The following TSHZ2 variants were observed in gnomAD, a reference collection of about 807,000 sequenced individuals.
The protein encoded by TSHZ2 is teashirt zinc finger homeobox 2, also known as teashirt homolog 2.
Under a neutral mutation model 74.4 loss-of-function variants are expected in TSHZ2, and 21 were observed. The ratio of observed to expected loss-of-function variants is 0.28; its 90% CI spans 0.20 to 0.41. The LOEUF is 0.41. Ranked by LOEUF, TSHZ2 falls within the 10% of genes least tolerant of loss-of-function variation. The pLI is 1.00. For missense variants in TSHZ2, 1,244 were observed against 1,293.5 expected, an observed-to-expected ratio of 0.96 and a Z score of 0.59; for synonymous variants, 540 against 515.3, an observed-to-expected ratio of 1.05 and a Z score of -0.65.
At position 53,024,381 on chromosome 20, in the gene TSHZ2, C is replaced by T. The variant is rs546440486; in HGVS notation, c.40+51048C>T. Among the ~76,000 whole-genome samples, 10 of 151,142 alleles carry T rather than the reference C, an allele frequency of 6.6e-5. No homozygotes were observed. The East Asian group carries it at 1.6e-3, about 23-fold the overall frequency. On this transcript the variant is annotated intron_variant, in intron 1 of 2. Coordinates refer to ENST00000371497, the MANE Select transcript of TSHZ2 (RefSeq NM_173485.6). ...ATTTTGTGCCTTGGAACCAGGCATA[C>T]GTGATAACAGGATACATAAAAGGTG...
At chr20:53,376,158 A>G (rs1310116596) in intron 2 of TSHZ2, among the ~76,000 whole-genome samples, 1 of 152,222 alleles carries the variant, frequency 6.6e-6, no homozygotes, top group Non-Finnish European at 1.5e-5. Flanking sequence ...AATTTGCACT[A>G]AAGCTCTAAA....
At chr20:53,004,577 G>C (rs1025358050) in intron 1 of TSHZ2, among the ~76,000 whole-genome samples, 2 of 152,162 alleles carry the variant, frequency 1.3e-5, no homozygotes, top group Non-Finnish European at 2.9e-5. Flanking sequence ...GCCGGGAAAA[G>C]CATAAAACAA....
At chr20:53,044,790 G>T (rs965494991) in intron 1 of TSHZ2, among the ~76,000 whole-genome samples, 9 of 152,090 alleles carry the variant, frequency 5.9e-5, no homozygotes, top group Non-Finnish European at 1.2e-4. Context: ...GCTCGCTGCA[G>T]CCCTGAACTC....
At chr20:53,277,249 G>C (rs547442346) in intron 2 of TSHZ2, among the ~76,000 whole-genome samples, 2 of 151,028 alleles carry the variant, frequency 1.3e-5, no homozygotes, top group East Asian at 3.9e-4. Flanking sequence ...AAGTATTTTG[G>C]AAGCAATGGT....
At chr20:53,040,033 G>A (rs1250731697) in intron 1 of TSHZ2, among the ~76,000 whole-genome samples, 5 of 152,076 alleles carry the variant, frequency 3.3e-5, no homozygotes, top group Non-Finnish European at 7.4e-5. Context: ...TTGAACCCAG[G>A]AGGCGGAGGC....
intron 1 of TSHZ2, among the ~76,000 whole-genome samples, chr20:53,041,471 C>A (rs563915197): frequency 6.6e-6 from 1 of 152,326 alleles, no homozygotes; most frequent in African/African-American, 2.4e-5. Context: ...TCCGCCAGTT[C>A]TGGGTCACCC....
chr20:53,421,592 G>T, intron 2 of TSHZ2: 1 of 203,162 alleles, frequency 4.9e-6, no homozygotes, highest in Non-Finnish European at 1.0e-5. Flanking sequence ...AGAAGCCAGG[G>T]AGAGCTTTGG....
chr20:53,282,459 T>C (rs1187536340), intron 2 of TSHZ2, among the ~76,000 whole-genome samples: 1 of 152,216 alleles, frequency 6.6e-6, no homozygotes, highest in Non-Finnish European at 1.5e-5. Flanking sequence ...CTATCTTTTT[T>C]CTGATTTAAC....
chr20:53,311,984 G>A (rs1030675614), intron 2 of TSHZ2, among the ~76,000 whole-genome samples: 3 of 152,128 alleles, frequency 2.0e-5, no homozygotes, highest in Non-Finnish European at 2.9e-5. Context: ...ATGAGGCTGA[G>A]GTGGGAGGAT....
chr20:53,332,175 C>T (rs897691426), intron 2 of TSHZ2, among the ~76,000 whole-genome samples: 3 of 152,114 alleles, frequency 2.0e-5, no homozygotes, highest in Non-Finnish European at 1.5e-5. Context: ...CTCACCCTGC[C>T]GAAGCCTGAA....
intron 2 of TSHZ2, among the ~76,000 whole-genome samples, chr20:53,430,849 G>A (rs564712719): frequency 1.3e-4 from 19 of 151,790 alleles, no homozygotes; most frequent in Non-Finnish European, 2.5e-4. Context: ...TCCTCCTCCC[G>A]AGTTCAACTG....
rs1229317911 is a variant in TSHZ2 at position 53,477,760 on chromosome 20, CA to C, written c.*9-9383del. Among the ~76,000 whole-genome samples the C allele has an allele frequency of 2.6e-4, 34 of 129,432 alleles. 1 individual carries two copies. Among genetic ancestry groups the C allele is most frequent in the Admixed American group, 2.6e-3 (33 of 12,768 alleles). The allele number at this position is 129,432 out of a possible 152,430, so 84.9% of individuals were successfully genotyped here. Reference sequence around the variant, plus strand: ...TGGGAGAAAATTTTCACAACCTACTCATCTGACAAAGGGCTAATATCCAGAA... The same window carrying C: ...TGGGAGAAAATTTTCACAACCTACTCTCTGACAAAGGGCTAATATCCAGAA... On this transcript the variant is annotated intron_variant, in intron 2 of 2. Transcript: ENST00000371497.
chr20:53,205,485 G>C (rs967422944), intron 1 of TSHZ2, among the ~76,000 whole-genome samples: 1 of 152,184 alleles, frequency 6.6e-6, no homozygotes, highest in Non-Finnish European at 1.5e-5. Context: ...ATGCACAAAG[G>C]AAGTTCCAAA....
intron 2 of TSHZ2, among the ~76,000 whole-genome samples, chr20:53,302,904 C>G (rs1053647003): frequency 1.3e-5 from 2 of 152,196 alleles, no homozygotes; most frequent in Admixed American, 6.5e-5. Flanking sequence ...GGAAACCACA[C>G]CCTCCACGGC....
chr20:53,175,223 C>A (rs116828371), intron 1 of TSHZ2, among the ~76,000 whole-genome samples: 1,552 of 145,314 alleles, frequency 0.011, 21 homozygotes, highest in African/African-American at 0.037. Flanking sequence ...CTTGCTGCAA[C>A]CTCCTCTTCC....
intron 1 of TSHZ2, among the ~76,000 whole-genome samples, chr20:53,165,009 C>A (rs1009357351): frequency 2.0e-5 from 3 of 152,168 alleles, no homozygotes; most frequent in African/African-American, 4.8e-5. Flanking sequence ...TTTCCAATAT[C>A]CCTGCCTAGT....
chr20:53,003,176 T>A (rs1982501888), intron 1 of TSHZ2, among the ~76,000 whole-genome samples: 1 of 152,086 alleles, frequency 6.6e-6, no homozygotes, highest in Admixed American at 6.6e-5. Flanking sequence ...GTACTGTCCT[T>A]CATTGTGGGG....
At chr20:53,036,335 G>A (rs975159842) in intron 1 of TSHZ2, among the ~76,000 whole-genome samples, 1 of 152,052 alleles carries the variant, frequency 6.6e-6, no homozygotes, top group Admixed American at 6.5e-5. Flanking sequence ...GTCATGTTCT[G>A]TGATGTTAAA....
chr20:53,345,551 T>C (rs1744839568), intron 2 of TSHZ2, among the ~76,000 whole-genome samples: 2 of 152,076 alleles, frequency 1.3e-5, no homozygotes, highest in African/African-American at 4.8e-5. Context: ...AGCTGCCTTG[T>C]GAGGAACTAC....
Sources: gnomAD v4.1 joint callset for allele counts (sites outside exome capture counted in the v4.1 genomes callset) on GRCh38, gnomAD v4.1.1 for gene constraint, MANE v1.5 for transcripts, NCBI Gene and HGNC (gene_info 2026-07-23, HGNC 2026-07-21) for gene names.